The following KIF26B variants were observed in gnomAD, a reference collection of about 807,000 sequenced individuals.
KIF26B encodes the protein kinesin family member 26B.
A neutral mutation model predicts 151.2 loss-of-function variants in KIF26B; 63 were observed. The observed-to-expected ratio is 0.42, with a 90% CI of 0.34 to 0.51. The LOEUF (loss-of-function observed/expected upper bound fraction) is 0.51, where lower values mean the gene tolerates loss of function less well. Ranked by LOEUF, KIF26B falls within the 20% of genes least tolerant of loss-of-function variation. The probability of loss-of-function intolerance (pLI) is 0.07; values close to 1 mark genes in which losing one functional copy is unlikely to be tolerated. For synonymous variants in KIF26B, 1,357 were observed against 1,262.1 expected, an observed-to-expected ratio of 1.08 and a Z score of -1.59; for missense variants, 2,813 against 2,913.6, an observed-to-expected ratio of 0.97 and a Z score of 0.79.
chr1:245,308,637 C>T (rs1250935646), intron 2 of KIF26B, among the ~76,000 whole-genome samples: 14 of 152,092 alleles, frequency 9.2e-5, no homozygotes, highest in African/African-American at 3.4e-4. Context: ...GAGGCGGAGG[C>T]GGGAGGATCA....
intron 3 of KIF26B, among the ~76,000 whole-genome samples, chr1:245,408,681 A>T (rs1356353938): frequency 6.6e-6 from 1 of 152,070 alleles, no homozygotes; most frequent in Non-Finnish European, 1.5e-5. Context: ...TTTAAAATAC[A>T]ATCTTTTGCT....
rs534244160 is a variant in KIF26B at position 245,170,976 on chromosome 1, A to G, written c.465+14293A>G. 1.1e-4 allele frequency among the ~76,000 whole-genome samples: 17 copies of G among 152,346 alleles called. No homozygotes were observed. Among genetic ancestry groups the G allele is most frequent in the Admixed American group, 9.8e-4 (15 of 15,306 alleles). On this transcript the variant is annotated intron_variant, in intron 2 of 14. Coordinates refer to ENST00000407071, the MANE Select transcript of KIF26B (RefSeq NM_018012.4). This position sits in a 1 kb window ranked among gnomAD's most constrained non-coding sequence, Gnocchi z 4.4. ...TGGTGAGATGGTAACATGTGATTACATCCCAATGGAGTTGGGCATGAGAAT... is the reference window on the plus strand; with the variant it reads ...TGGTGAGATGGTAACATGTGATTACGTCCCAATGGAGTTGGGCATGAGAAT...
At chr1:245,378,280 AG>A (rs1262547361) in intron 3 of KIF26B, among the ~76,000 whole-genome samples, 156 of 143,962 alleles carry the variant, frequency 1.1e-3, no homozygotes, top group African/African-American at 3.8e-3. Context: ...CTTAGTTACT[AG>A]TAATAGTTAC....
In KIF26B at chr1:245,705,242, TATGTTG is replaced by T; in HGVS notation, c.*2643_*2648del. The T allele has an allele frequency of 6.6e-6, 1 of 152,338 alleles. No individual in the cohort carries two copies. Among genetic ancestry groups the T allele is most frequent in the South Asian group, 2.1e-4 (1 of 4,830 alleles). The allele number at this position is 152,338 out of a possible 1,614,324, so 9.4% of individuals were successfully genotyped here. On this transcript the variant is annotated 3_prime_UTR_variant, in exon 15 of 15. Coordinates refer to ENST00000407071, the MANE Select transcript of KIF26B (RefSeq NM_018012.4). ...CAGGCCACGGTGAAGGAGAATGCTT[TATGTTG>T]ATGTTGTCCATTCTCTCTCTCTTCT...
chr1:245,249,352 G>A (rs1193693190), intron 2 of KIF26B, among the ~76,000 whole-genome samples: 8 of 152,076 alleles, frequency 5.3e-5, no homozygotes, highest in African/African-American at 1.4e-4. Flanking sequence ...GCCCGCCTTG[G>A]CTTCCCAAAG....
rs553411347 is a variant in KIF26B at position 245,224,006 on chromosome 1, C to T, written c.465+67323C>T. On this transcript the variant is annotated intron_variant, in intron 2 of 14. Transcript: ENST00000407071. ...TTCTTTTAATATTCTGTATGATGGC[C>T]GGGTGCAGTGGCTCACGTCTGTAAT... Among the ~76,000 whole-genome samples the T allele has an allele frequency of 8.5e-5, 13 of 152,234 alleles. No individual in the cohort carries two copies. The South Asian group carries it at 1.0e-3, about 12-fold the overall frequency.
At position 245,167,621 on chromosome 1, in the gene KIF26B, A is replaced by T. The variant is rs1405666250; in HGVS notation, c.465+10938A>T. 6.6e-6 allele frequency among the ~76,000 whole-genome samples: 1 copy of T among 152,192 alleles called. No individual in the cohort carries two copies. Among genetic ancestry groups the T allele is most frequent in the Non-Finnish European group, 1.5e-5 (1 of 68,026 alleles). On this transcript the variant is annotated intron_variant, in intron 2 of 14. Transcript: ENST00000407071. The surrounding 1 kb of genome is among the most constrained non-coding windows in gnomAD (Gnocchi z 4.2). ...TAACCAAATGGTTGTACAGAAAATA[A>T]ACAGCTGAATTCAGGCAAACAACTG...
chr1:245,515,368 G>A lies in KIF26B; in HGVS notation c.1167-25399G>A, dbSNP rs577455106. 3.9e-5 allele frequency among the ~76,000 whole-genome samples: 6 copies of A among 152,158 alleles called. No individual in the cohort carries two copies. In the East Asian group the frequency reaches 7.7e-4, roughly 20 times the overall value. ...CCATCACTGTCTGCCTTTCCCACTCGACTGTCATCTCTGTCTTAAAGCTCT... is the reference window on the plus strand; with the variant it reads ...CCATCACTGTCTGCCTTTCCCACTCAACTGTCATCTCTGTCTTAAAGCTCT... On this transcript the variant is annotated intron_variant, in intron 4 of 14. Transcript: ENST00000407071.
intron 2 of KIF26B, among the ~76,000 whole-genome samples, chr1:245,297,390 T>C (rs1195419281): frequency 6.6e-6 from 1 of 152,186 alleles, no homozygotes; most frequent in Non-Finnish European, 1.5e-5. Context: ...TTACAGATGA[T>C]GAAACTGAAA....
At chr1:245,406,288 G>A (rs1428702822) in intron 3 of KIF26B, among the ~76,000 whole-genome samples, 3 of 152,104 alleles carry the variant, frequency 2.0e-5, no homozygotes, top group Non-Finnish European at 2.9e-5. Context: ...TTAATGTAAC[G>A]TTTACCAGGG....
chr1:245,215,565 A>C (rs1281289789), intron 2 of KIF26B, among the ~76,000 whole-genome samples: 1 of 152,054 alleles, frequency 6.6e-6, no homozygotes, highest in Non-Finnish European at 1.5e-5. Context: ...TTTGTTAGTT[A>C]ACGCATCCAT....
chr1:245,541,077 T>C (rs912470873), intron 5 of KIF26B, 127 bp downstream of exon 5: 3 of 766,288 alleles, frequency 3.9e-6, no homozygotes, highest in Non-Finnish European at 6.1e-6. Context: ...GGAGGCAAGA[T>C]GAAATTCATT....
intron 9 of KIF26B, among the ~76,000 whole-genome samples, chr1:245,624,155 A>T (rs1004265298): frequency 6.6e-6 from 1 of 152,098 alleles, no homozygotes; most frequent in African/African-American, 2.4e-5. Context: ...CTCATAAATT[A>T]CCCAGTCTCA....
At chr1:245,595,974 C>A (rs996137207) in intron 5 of KIF26B, among the ~76,000 whole-genome samples, 30 of 151,960 alleles carry the variant, frequency 2.0e-4, no homozygotes, top group African/African-American at 7.3e-4. Flanking sequence ...TATTCTCTGA[C>A]GGTAGTTTGT....
At chr1:245,190,629 G>GTTTTTTTT (rs768099890) in intron 2 of KIF26B, among the ~76,000 whole-genome samples, 40 of 80,088 alleles carry the variant, frequency 5.0e-4, no homozygotes, top group African/African-American at 1.6e-3. Context: ...TTCCCTGAAT[G>GTTTTTTTT]TTTTGTTTTG....
At chr1:245,573,685 A>C (rs1182374508) in intron 5 of KIF26B, among the ~76,000 whole-genome samples, 1 of 149,612 alleles carries the variant, frequency 6.7e-6, no homozygotes, top group East Asian at 1.9e-4. Context: ...CTGGCCAAGG[A>C]AAAAAAAAGA....
In KIF26B at chr1:245,686,218, T is replaced by G; in HGVS notation, c.3235T>G (p.Tyr1079Asp). 6.2e-7 allele frequency: 1 copy of G among 1,612,380 alleles called. No homozygotes were observed. The highest frequency in any genetic ancestry group is 8.5e-7 in the Non-Finnish European group (1 of 1,179,838). The change falls in exon 12 of 15, where the codon TAC becomes GAC. Residue 1079 changes from tyrosine to aspartate, a missense_variant. Coordinates refer to ENST00000407071, the MANE Select transcript of KIF26B (RefSeq NM_018012.4). The surrounding 1 kb of genome is among the most constrained non-coding windows in gnomAD (Gnocchi z 5.6). The part of the protein sequence containing the change: ...GIASLSKTSE[Y>D]KPPSSPSQRC... ...CGCCAGCCTGTCCAAGACCTCGGAG[T>G]ACAAGCCACCCAGCTCTCCTTCCCA... is the stretch of plus-strand genomic sequence containing the variant.
At chr1:245,593,131 A>G (rs1043790351) in intron 5 of KIF26B, among the ~76,000 whole-genome samples, 1 of 152,194 alleles carries the variant, frequency 6.6e-6, no homozygotes, top group African/African-American at 2.4e-5. Flanking sequence ...TTTTACCAGA[A>G]AAGTATTCAA....
At chr1:245,307,414 T>C (rs1394379041) in intron 2 of KIF26B, among the ~76,000 whole-genome samples, 1 of 152,182 alleles carries the variant, frequency 6.6e-6, no homozygotes, top group Non-Finnish European at 1.5e-5. Context: ...AGAGATTTTT[T>C]TTTGTCTTGG....
Sources: allele counts gnomAD v4.1 joint callset (sites outside exome capture counted in the v4.1 genomes callset), GRCh38; gene constraint gnomAD v4.1.1; non-coding constraint Gnocchi (gnomAD v3.1); transcripts MANE v1.5; gene names NCBI Gene and HGNC (gene_info 2026-07-23, HGNC 2026-07-21).